The following TG variants were observed in gnomAD, a reference collection of about 807,000 sequenced individuals.
TG encodes the protein thyroglobulin, also known as thyroid hormones.
TG carries 270 observed loss-of-function variants against 324.7 expected under a neutral mutation model. The observed-to-expected ratio is 0.83, with a 90% CI of 0.75 to 0.92. The LOEUF (loss-of-function observed/expected upper bound fraction) is 0.92, where lower values mean the gene tolerates loss of function less well. Ranked by LOEUF, TG falls within the 40% of genes least tolerant of loss-of-function variation. TG has a pLI of 0.00. For missense variants in TG, 3,591 were observed against 3,456.4 expected, an observed-to-expected ratio of 1.04 and a Z score of -0.98; for synonymous variants, 1,401 against 1,327.0, an observed-to-expected ratio of 1.06 and a Z score of -1.21.
intron 5 of TG, among the ~76,000 whole-genome samples, chr8:132,875,031 C>A (rs923653212): frequency 5.9e-5 from 9 of 152,164 alleles, no homozygotes; most frequent in Admixed American, 5.9e-4. Flanking sequence ...AGCGACCTGG[C>A]CACTTACTCT....
At chr8:132,876,514 G>A (rs1026422693) in intron 5 of TG, among the ~76,000 whole-genome samples, 1 of 152,210 alleles carries the variant, frequency 6.6e-6, no homozygotes, top group Non-Finnish European at 1.5e-5. Flanking sequence ...CCTGTGGGCA[G>A]CTCATTCGCT....
chr8:132,869,186 T>C (rs79682695), intron 2 of TG, among the ~76,000 whole-genome samples: 4,433 of 152,304 alleles, frequency 0.029, 149 homozygotes, highest in East Asian at 0.087. Flanking sequence ...GCTTTGCATA[T>C]GCTGTTCCCT....
At chr8:132,939,339 C>T (rs1208523359) in intron 25 of TG, among the ~76,000 whole-genome samples, 7 of 152,144 alleles carry the variant, frequency 4.6e-5, no homozygotes, top group Non-Finnish European at 7.4e-5. Context: ...TGGAGAATCA[C>T]ATGCTGTAGG....
chr8:133,102,616 G>C, intron 43 of TG: 1 of 1,528,840 alleles, frequency 6.5e-7, no homozygotes, highest in South Asian at 1.2e-5. Flanking sequence ...ATTTTCTGAA[G>C]TAGCAGCTTT....
chr8:133,094,611 C>A, intron 41 of TG: 1 of 271,928 alleles, frequency 3.7e-6, no homozygotes, highest in Non-Finnish European at 7.3e-6. Flanking sequence ...ATTTTAAAGT[C>A]CAGCTCCATC....
chr8:132,941,185 G>A (rs1824394062), intron 25 of TG, among the ~76,000 whole-genome samples, 166 bp from the exon 26 acceptor site: 2 of 152,196 alleles, frequency 1.3e-5, no homozygotes, highest in Admixed American at 1.3e-4. Context: ...TCATGCACAG[G>A]CACATCCAGA....
chr8:133,041,519 T>C (rs1015109757), intron 41 of TG, among the ~76,000 whole-genome samples: 11 of 152,242 alleles, frequency 7.2e-5, no homozygotes, highest in Admixed American at 3.3e-4. Context: ...TGACCTGTCA[T>C]GGGTTGGAAA....
rs149489773 is a variant in TG, at chr8:132,911,395, C to T, written c.4021C>T (p.Leu1341=). 7 of 1,614,058 alleles carry T rather than the reference C, an allele frequency of 4.3e-6. No individual in the cohort carries two copies. The highest frequency in any genetic ancestry group is 5.9e-6 in the Non-Finnish European group (7 of 1,180,040). The change falls in exon 19 of 48, where the codon CTG becomes TTG. Residue 1341 remains leucine (L), a synonymous_variant. Transcript: ENST00000220616. The stretch of plus-strand genomic sequence containing the variant: ...CTTGTAGGTGAAGACTTTTGGCACC[C>T]TGGTTTCCATTCCTGTCTGCAACAA... ...CQIQVKTFGT[L]VSIPVCNNSS... is the part of the protein sequence containing the mutation.
At chr8:132,942,755 G>A (rs1172953872) in intron 26 of TG, among the ~76,000 whole-genome samples, 1 of 152,214 alleles carries the variant, frequency 6.6e-6, no homozygotes, top group East Asian at 1.9e-4. Flanking sequence ...AGACGTAGAA[G>A]TCTTGGAGTG....
intron 43 of TG, among the ~76,000 whole-genome samples, chr8:133,098,179 C>G (rs1255012754): frequency 6.6e-6 from 1 of 152,206 alleles, no homozygotes; most frequent in Non-Finnish European, 1.5e-5. Context: ...CTCTCCTCCA[C>G]TGCCTCAGAG....
intron 43 of TG, among the ~76,000 whole-genome samples, chr8:133,112,874 C>T (rs1235007606): frequency 2.0e-5 from 3 of 152,148 alleles, no homozygotes; most frequent in Non-Finnish European, 2.9e-5. Flanking sequence ...GGAGCTTGAT[C>T]GGCATGTTTG....
intron 22 of TG, 100 bp downstream of exon 22, chr8:132,923,608 C>T (rs1821412931): frequency 1.4e-6 from 2 of 1,394,532 alleles, no homozygotes; most frequent in Non-Finnish European, 9.6e-7. Flanking sequence ...CATTTGTCTC[C>T]AACTTTTTGT....
chr8:133,022,986 G>T (rs1835693206), intron 40 of TG, among the ~76,000 whole-genome samples: 1 of 152,206 alleles, frequency 6.6e-6, no homozygotes, highest in Non-Finnish European at 1.5e-5. Flanking sequence ...ATGTAAAAGG[G>T]TTTCAGAGAC....
rs116503970 is a variant in TG, at chr8:133,013,453, G to T, written c.6398-147G>T. On this transcript the variant is annotated intron_variant, in intron 36 of 47. Transcript: ENST00000220616. ...TGGATGGATGAATGGATGGATAGAC[G>T]GATGGATTCATGGATGCATGATTGG... The T allele has an allele frequency of 1.8e-3, 1,780 of 962,480 alleles. 25 individuals carry two copies. In the African/African-American group the frequency reaches 0.026, roughly 14 times the overall value. 59.6% of individuals were successfully genotyped at this position (962,480 alleles called of 1,614,324 possible).
At chr8:133,068,002 A>G (rs1362932635) in intron 41 of TG, among the ~76,000 whole-genome samples, 2 of 152,162 alleles carry the variant, frequency 1.3e-5, no homozygotes, top group Non-Finnish European at 2.9e-5. Context: ...CATAGAATAG[A>G]TGAAAGGGAG....
At chr8:132,971,184 G>C (rs1030820472) in intron 32 of TG, among the ~76,000 whole-genome samples, 24 of 152,324 alleles carry the variant, frequency 1.6e-4, no homozygotes, top group African/African-American at 5.5e-4. Context: ...TGAGGGTGGG[G>C]CTTAGTTATT....
At chr8:133,118,529 T>C (rs1850889865) in intron 45 of TG, among the ~76,000 whole-genome samples, 1 of 152,166 alleles carries the variant, frequency 6.6e-6, no homozygotes, top group South Asian at 2.1e-4. Context: ...TTCACCATGT[T>C]GGCCAGGCTG....
rs1392487524 is a variant in TG at position 132,886,693 on chromosome 8, A to G, written c.1321A>G (p.Lys441Glu). Residue 441 changes from lysine (K) to glutamate (E), a missense_variant, in exon 9 of 48, where the codon AAA (lysine) becomes GAA (glutamate). Transcript: ENST00000220616. ...GTTTTCTGTCTCAGAAAATCTTCTC[A>G]AAGAAGCCATCCGAGCAATTTTTCC... is the stretch of plus-strand genomic sequence containing the variant. ...QQFSVSENLL[K>E]EAIRAIFPSR... is the part of the protein sequence containing the mutation. 3.7e-6 allele frequency: 6 copies of G among 1,614,154 alleles called. No homozygotes were observed. Among genetic ancestry groups the G allele is most frequent in the Non-Finnish European group, 5.1e-6 (6 of 1,180,028 alleles).
chr8:132,961,018 C>A lies in TG; in HGVS notation c.5412C>A (p.Pro1804=). 1.2e-6 allele frequency: 2 copies of A among 1,614,032 alleles called. No homozygotes were observed. The highest frequency in any genetic ancestry group is 1.7e-6 in the Non-Finnish European group (2 of 1,179,926). The part of the protein sequence containing the change: ...GDQEFIKSLT[P]LEGTQDTFTN... Reference sequence around the variant, plus strand: ...CATCTTCCTTTGCAGGTCTGACACCCTTAGAAGGAACTCAAGACACCTTTA... The same window carrying A: ...CATCTTCCTTTGCAGGTCTGACACCATTAGAAGGAACTCAAGACACCTTTA... The change falls in exon 28 of 48, where the codon CCC becomes CCA. Residue 1804 remains proline (P), a synonymous_variant. Coordinates refer to ENST00000220616, the MANE Select transcript of TG (RefSeq NM_003235.5).
Sources: gnomAD v4.1 joint callset for allele counts (sites outside exome capture counted in the v4.1 genomes callset) on GRCh38, gnomAD v4.1.1 for gene constraint, MANE v1.5 for transcripts, NCBI Gene and HGNC (gene_info 2026-07-23, HGNC 2026-07-21) for gene names.